The following RUNDC3B variants were observed in gnomAD, a reference collection of about 807,000 sequenced individuals.
The protein encoded by RUNDC3B is RUN domain containing 3B.
A neutral mutation model predicts 58.4 loss-of-function variants in RUNDC3B; 33 were observed. That is an observed-to-expected ratio of 0.56 (90% confidence interval 0.43 to 0.75). The LOEUF (loss-of-function observed/expected upper bound fraction) is 0.75. Ranked by LOEUF, RUNDC3B falls within the 30% of genes least tolerant of loss-of-function variation. RUNDC3B has a pLI of 0.00. For synonymous variants in RUNDC3B, 193 were observed against 195.2 expected, an observed-to-expected ratio of 0.99 and a Z score of 0.10; for missense variants, 501 against 535.7, an observed-to-expected ratio of 0.94 and a Z score of 0.64.
intron 2 of RUNDC3B, among the ~76,000 whole-genome samples, chr7:87,670,954 C>A (rs1023234264): frequency 6.6e-6 from 1 of 152,050 alleles, no homozygotes; most frequent in Non-Finnish European, 1.5e-5. Flanking sequence ...CTGCCCACTG[C>A]AGCTTTGGGG....
At chr7:87,731,249 A>G (rs1186695496) in intron 4 of RUNDC3B, among the ~76,000 whole-genome samples, 1 of 152,232 alleles carries the variant, frequency 6.6e-6, no homozygotes, top group Non-Finnish European at 1.5e-5. Context: ...ATAAGATGTC[A>G]GTGACCAATT....
rs540922788 is a variant in RUNDC3B at position 87,830,820 on chromosome 7, C to T, written c.*790C>T. 7 of 151,362 alleles carry T rather than the reference C, an allele frequency of 4.6e-5. No individual in the cohort carries two copies. Among genetic ancestry groups the T allele is most frequent in the African/African-American group, 1.2e-4 (5 of 41,296 alleles). The allele number at this position is 151,362 out of a possible 1,614,324, so 9.4% of individuals were successfully genotyped here. A position where few individuals can be genotyped will look rare whatever the true frequency, so the allele number is the denominator to read the frequency against. On this transcript the variant is annotated 3_prime_UTR_variant, in exon 11 of 11. Transcript: ENST00000394654. ...GAAACATTTCAAAATGTAGAACAAACGTTGAAAAATTGTTTTGCCAGGAAA... is the reference window on the plus strand; with the variant it reads ...GAAACATTTCAAAATGTAGAACAAATGTTGAAAAATTGTTTTGCCAGGAAA...
chr7:87,752,451 T>G (rs1000434062), intron 6 of RUNDC3B, among the ~76,000 whole-genome samples: 1 of 152,180 alleles, frequency 6.6e-6, no homozygotes, highest in African/African-American at 2.4e-5. Flanking sequence ...GAAGGAATGG[T>G]ACCAGTTCCT....
intron 1 of RUNDC3B, among the ~76,000 whole-genome samples, chr7:87,641,056 G>C (rs1822401077): frequency 6.6e-6 from 1 of 151,366 alleles, no homozygotes; most frequent in Admixed American, 6.6e-5. Flanking sequence ...TCCTTTCTTT[G>C]TCATGTATGT....
chr7:87,665,458 T>C (rs1181681677), intron 2 of RUNDC3B, among the ~76,000 whole-genome samples: 1 of 152,126 alleles, frequency 6.6e-6, no homozygotes, highest in Non-Finnish European at 1.5e-5. Context: ...AATAGAAATA[T>C]ATCTCATGCT....
Position 87,831,528 on chromosome 7 carries a change from T to C in RUNDC3B, c.*1498T>C, listed in dbSNP as rs1479058771. 6.6e-6 allele frequency: 1 copy of C among 151,982 alleles called. No homozygotes were observed. The highest frequency in any genetic ancestry group is 1.5e-5 in the Non-Finnish European group (1 of 67,886). 9.4% of individuals were successfully genotyped at this position (151,982 alleles called of 1,614,324 possible). Reference sequence around the variant, plus strand: ...GTTATCTTAGATGTGCCAGAACATATTCAGAGCTTTATTCCTTTAAGCTTA... The same window carrying C: ...GTTATCTTAGATGTGCCAGAACATACTCAGAGCTTTATTCCTTTAAGCTTA... On this transcript the variant is annotated 3_prime_UTR_variant, in exon 11 of 11. Coordinates refer to ENST00000394654, the MANE Select transcript of RUNDC3B (RefSeq NM_001134405.2).
intron 8 of RUNDC3B, among the ~76,000 whole-genome samples, chr7:87,803,522 T>C (rs1432181605): frequency 6.6e-6 from 1 of 152,212 alleles, no homozygotes; most frequent in Non-Finnish European, 1.5e-5. Flanking sequence ...AAGATCTTTA[T>C]GCAAAAGCAA....
intron 4 of RUNDC3B, among the ~76,000 whole-genome samples, chr7:87,728,325 T>G (rs2130788537): frequency 6.6e-6 from 1 of 152,308 alleles, no homozygotes; most frequent in East Asian, 1.9e-4. Flanking sequence ...ACATCAAGTT[T>G]TGCATTTTTC....
At chr7:87,683,217 GT>G (rs1230030105) in intron 2 of RUNDC3B, among the ~76,000 whole-genome samples, 2 of 152,178 alleles carry the variant, frequency 1.3e-5, no homozygotes, top group Non-Finnish European at 2.9e-5. Flanking sequence ...TTAAGAGAAT[GT>G]TGTGGCTGGT....
intron 4 of RUNDC3B, among the ~76,000 whole-genome samples, chr7:87,726,984 T>G (rs1397514198): frequency 1.3e-5 from 2 of 152,188 alleles, no homozygotes; most frequent in African/African-American, 2.4e-5. Flanking sequence ...AAGGAGATTT[T>G]GGGCTGAGAT....
intron 3 of RUNDC3B, among the ~76,000 whole-genome samples, chr7:87,707,367 A>G (rs1219355025): frequency 2.6e-5 from 4 of 152,182 alleles, no homozygotes; most frequent in Non-Finnish European, 5.9e-5. Context: ...ACATAAAATT[A>G]CTAGATTATT....
At position 87,760,310 on chromosome 7, in the gene RUNDC3B, C is replaced by T. The variant is rs565276457; in HGVS notation, c.630-10271C>T. ...AATTTAAACTTAAAAATTGATGCTACATTGTTTAGGGAAATTGAAGAAGAT... is the reference window on the plus strand; with the variant it reads ...AATTTAAACTTAAAAATTGATGCTATATTGTTTAGGGAAATTGAAGAAGAT... On this transcript the variant is annotated intron_variant, in intron 6 of 10. Transcript: ENST00000394654. Among the ~76,000 whole-genome samples, 272 of 152,050 alleles carry T rather than the reference C, an allele frequency of 1.8e-3. 1 individual carries two copies. Among genetic ancestry groups the T allele is most frequent in the African/African-American group, 6.2e-3 (257 of 41,510 alleles).
chr7:87,795,753 G>A (rs1300787520), intron 8 of RUNDC3B, among the ~76,000 whole-genome samples: 1 of 151,788 alleles, frequency 6.6e-6, no homozygotes, highest in African/African-American at 2.4e-5. Flanking sequence ...GCCAGGCATG[G>A]TGGCGGACGC....
At chr7:87,767,919 TG>T (rs1834058981) in intron 6 of RUNDC3B, among the ~76,000 whole-genome samples, 1 of 152,122 alleles carries the variant, frequency 6.6e-6, no homozygotes, top group Non-Finnish European at 1.5e-5. Context: ...CTGAGGTTTG[TG>T]GAAAATGCCT....
intron 8 of RUNDC3B, among the ~76,000 whole-genome samples, chr7:87,792,751 A>T (rs565049086): frequency 6.6e-6 from 1 of 152,090 alleles, no homozygotes; most frequent in East Asian, 1.9e-4. Flanking sequence ...CCTATATCAA[A>T]AAAGAAGAAA....
intron 3 of RUNDC3B, among the ~76,000 whole-genome samples, chr7:87,705,250 C>A (rs992139525): frequency 6.6e-6 from 1 of 152,090 alleles, no homozygotes; most frequent in Non-Finnish European, 1.5e-5. Context: ...CATGGCAAAA[C>A]CCTGTCTCTA....
intron 4 of RUNDC3B, among the ~76,000 whole-genome samples, chr7:87,725,119 C>G (rs1443811113): frequency 6.6e-6 from 1 of 151,946 alleles, no homozygotes; most frequent in Non-Finnish European, 1.5e-5. Context: ...ACTTTAAGTT[C>G]TAGGGTACAT....
chr7:87,632,863 AC>A (rs1388214716), intron 1 of RUNDC3B, among the ~76,000 whole-genome samples: 2 of 152,174 alleles, frequency 1.3e-5, no homozygotes, highest in Non-Finnish European at 2.9e-5. Context: ...TTTCAGAATA[AC>A]ACTTGTCAAA....
intron 6 of RUNDC3B, among the ~76,000 whole-genome samples, chr7:87,749,586 T>A (rs896242953): frequency 1.3e-5 from 2 of 152,144 alleles, no homozygotes; most frequent in South Asian, 4.1e-4. Flanking sequence ...TCAAATCGCA[T>A]CCACAGAAAT....
Sources: gnomAD v4.1 joint callset for allele counts (sites outside exome capture counted in the v4.1 genomes callset) on GRCh38, gnomAD v4.1.1 for gene constraint, MANE v1.5 for transcripts, NCBI Gene and HGNC (gene_info 2026-07-23, HGNC 2026-07-21) for gene names.